The following ABLIM1 variants were observed in gnomAD, a reference collection of about 807,000 sequenced individuals.
ABLIM1 encodes the protein actin-binding LIM protein 1.
A neutral mutation model predicts 107.0 loss-of-function variants in ABLIM1; 40 were observed. That is an observed-to-expected ratio of 0.37 (90% CI 0.29 to 0.49). ABLIM1 has a LOEUF of 0.49. Among genes scored for constraint, ABLIM1 ranks in the 20% least tolerant of loss-of-function variants. The pLI, the probability that ABLIM1 is intolerant of heterozygous loss-of-function variation, is 0.97. For missense variants in ABLIM1, 857 were observed against 1,008.5 expected (o/e 0.85, Z 2.04); for synonymous variants, 357 against 357.3 (o/e 1.00, Z 0.01).
intron 2 of ABLIM1, among the ~76,000 whole-genome samples, chr10:114,576,272 G>A (rs1324833835): frequency 6.6e-6 from 1 of 152,210 alleles, no homozygotes; most frequent in African/African-American, 2.4e-5. Flanking sequence ...GGTGCAAACA[G>A]GCAGTGGGAG....
intron 1 of ABLIM1, among the ~76,000 whole-genome samples, chr10:114,735,128 C>G (rs1431678881): frequency 1.3e-5 from 2 of 152,128 alleles, no homozygotes; most frequent in Non-Finnish European, 2.9e-5. Context: ...AGTCCCTGAC[C>G]TCAAGAAGTC....
intron 1 of ABLIM1, among the ~76,000 whole-genome samples, chr10:114,752,265 C>G (rs768263145): frequency 6.6e-6 from 1 of 152,154 alleles, no homozygotes; most frequent in African/African-American, 2.4e-5. Context: ...CATGACCACA[C>G]AGCTGGAAGA....
the ABLIM1 span, among the ~76,000 whole-genome samples, chr10:114,791,978 C>T: frequency 6.6e-6 from 1 of 152,208 alleles, no homozygotes; most frequent in Non-Finnish European, 1.5e-5. Context: ...ATCCTCTTAG[C>T]AATTCTATAA....
chr10:114,622,821 C>T (rs758026433), intron 1 of ABLIM1, among the ~76,000 whole-genome samples: 1 of 152,188 alleles, frequency 6.6e-6, no homozygotes, highest in African/African-American at 2.4e-5. Flanking sequence ...TGATGATCTA[C>T]TTCCACCAAA....
chr10:114,709,635 G>A (rs808258), intron 1 of ABLIM1, among the ~76,000 whole-genome samples: 37,524 of 152,068 alleles, frequency 0.25, 6,739 homozygotes, highest in African/African-American at 0.51. Flanking sequence ...TAGAGGAAAG[G>A]CGAAAGGTTC....
At chr10:114,663,478 CT>C (rs765493744) in intron 1 of ABLIM1, among the ~76,000 whole-genome samples, 20 of 152,172 alleles carry the variant, frequency 1.3e-4, no homozygotes, top group Admixed American at 3.3e-4. Context: ...CTATAAGTCA[CT>C]GTGAAAAGAG....
At chr10:114,590,351 G>A (rs532868681) in intron 2 of ABLIM1, among the ~76,000 whole-genome samples, 5 of 152,264 alleles carry the variant, frequency 3.3e-5, no homozygotes, top group East Asian at 1.9e-4. Context: ...GATGCTGACC[G>A]TGAGACTGGA....
intron 6 of ABLIM1, among the ~76,000 whole-genome samples, chr10:114,540,858 G>C (rs1479866159): frequency 6.6e-6 from 1 of 152,130 alleles, no homozygotes; most frequent in Non-Finnish European, 1.5e-5. Flanking sequence ...CAGCTTGAAT[G>C]GTGACCCGAT....
At chr10:114,737,899 T>C (rs952290397) in intron 1 of ABLIM1, among the ~76,000 whole-genome samples, 1 of 152,160 alleles carries the variant, frequency 6.6e-6, no homozygotes, top group African/African-American at 2.4e-5. Flanking sequence ...TAACTGTTCA[T>C]TCTGGATGAT....
chr10:114,783,053 A>T, the ABLIM1 span, among the ~76,000 whole-genome samples: 1 of 152,038 alleles, frequency 6.6e-6, no homozygotes, highest in Non-Finnish European at 1.5e-5. Flanking sequence ...AGGCCGAGGC[A>T]GATGGATCAC....
intron 5 of ABLIM1, chr10:114,547,346 T>G (rs186566721): frequency 1.0e-5 from 3 of 291,486 alleles, no homozygotes; most frequent in East Asian, 1.7e-4. Context: ...TAGTTCCTCA[T>G]AGGAGAATGA....
the ABLIM1 span, among the ~76,000 whole-genome samples, chr10:114,784,581 TG>T: frequency 6.3e-5 from 9 of 143,026 alleles, no homozygotes; most frequent in Non-Finnish European, 1.0e-4. Context: ...GCAGGAGAAT[TG>T]CTTGAACCCG....
At chr10:114,561,609 T>C (rs1010795922) in intron 4 of ABLIM1, among the ~76,000 whole-genome samples, 1 of 152,154 alleles carries the variant, frequency 6.6e-6, no homozygotes, top group African/African-American at 2.4e-5. Flanking sequence ...TGTATAAATA[T>C]ACAATTATAG....
Position 114,726,827 on chromosome 10 carries a change from G to A in ABLIM1, c.-213+41234C>T, listed in dbSNP as rs551790158. The stretch of plus-strand genomic sequence containing the variant: ...ACAGCACCCAGGGGATGGCGCTAAA[G>A]CATTCATGAGAAATCCGCCCCCATG... On this transcript the variant is annotated intron_variant, in intron 1 of 15. Transcript: ENST00000651092. Among the ~76,000 whole-genome samples the A allele has an allele frequency of 5.9e-5, 9 of 152,122 alleles. No individual in the cohort carries two copies. In the South Asian group the frequency reaches 1.9e-3, roughly 32 times the overall value.
chr10:114,443,549 G>A (rs1377367580), intron 17 of ABLIM1, among the ~76,000 whole-genome samples: 2 of 151,852 alleles, frequency 1.3e-5, no homozygotes, highest in Non-Finnish European at 2.9e-5. Context: ...CTGACCTCAG[G>A]TGATCCGCCT....
intron 1 of ABLIM1, among the ~76,000 whole-genome samples, chr10:114,753,217 G>A (rs899450821): frequency 6.6e-6 from 1 of 152,170 alleles, no homozygotes; most frequent in East Asian, 1.9e-4. Flanking sequence ...TCCCAGCAAG[G>A]CAGAGACTAC....
chr10:114,457,030 TAAAG>T (rs2062958282), intron 12 of ABLIM1, among the ~76,000 whole-genome samples: 1 of 151,708 alleles, frequency 6.6e-6, no homozygotes, highest in African/African-American at 2.4e-5. Flanking sequence ...AAAAATCAGG[TAAAG>T]AGAGACCCAA....
intron 4 of ABLIM1, among the ~76,000 whole-genome samples, chr10:114,554,949 G>A (rs1157062026): frequency 1.3e-5 from 2 of 152,102 alleles, no homozygotes; most frequent in East Asian, 3.9e-4. Flanking sequence ...TTTTTCATCT[G>A]TAAAATGAGT....
chr10:114,554,566 A>G (rs2068483807), intron 4 of ABLIM1, among the ~76,000 whole-genome samples: 2 of 152,188 alleles, frequency 1.3e-5, no homozygotes, highest in African/African-American at 4.8e-5. Flanking sequence ...TGGCAGCGCT[A>G]GGACTGCAAG....
Sources: allele counts gnomAD v4.1 joint callset (sites outside exome capture counted in the v4.1 genomes callset), GRCh38; gene constraint gnomAD v4.1.1; transcripts MANE v1.5; gene names NCBI Gene and HGNC (gene_info 2026-07-23, HGNC 2026-07-21).